SDK1: variants seen among roughly 807,000 people sequenced by gnomAD.
SDK1 encodes sidekick cell adhesion molecule 1, also known as protein sidekick-1.
A neutral mutation model predicts 245.5 loss-of-function variants in SDK1; 157 were observed. That is an observed-to-expected ratio of 0.64 (90% confidence interval 0.56 to 0.73). The LOEUF is 0.73. Among genes scored for constraint, SDK1 ranks in the 30% least tolerant of loss-of-function variants. The pLI is 0.00. For synonymous variants in SDK1, 1,647 were observed against 1,278.5 expected, an observed-to-expected ratio of 1.29 and a Z score of -6.15; for missense variants, 3,583 against 3,002.3, an observed-to-expected ratio of 1.19 and a Z score of -4.52.
chr7:4,119,723 T>G lies in SDK1; in HGVS notation c.3823+5449T>G, dbSNP rs972926464. Among the ~76,000 whole-genome samples the G allele has an allele frequency of 4.0e-5, 6 of 149,076 alleles. 1 individual carries two copies. The highest frequency in any genetic ancestry group is 1.3e-4 in the Admixed American group (2 of 15,010). On this transcript the variant is annotated intron_variant, in intron 25 of 44. Coordinates refer to ENST00000404826, the MANE Select transcript of SDK1 (RefSeq NM_152744.4). Reference sequence around the variant, plus strand: ...CAAAAATGATTCCTCTCTGGAGAGATATTGCCAAAGCCAAATTATCCAAAA... The same window carrying G: ...CAAAAATGATTCCTCTCTGGAGAGAGATTGCCAAAGCCAAATTATCCAAAA...
At chr7:3,988,741 TC>T (rs1436251308) in intron 14 of SDK1, among the ~76,000 whole-genome samples, 4 of 152,154 alleles carry the variant, frequency 2.6e-5, no homozygotes, top group African/African-American at 4.8e-5. Context: ...AAAGAAGCTC[TC>T]CAGCACGCCA....
chr7:4,234,488 C>T (rs1411697755), intron 41 of SDK1, among the ~76,000 whole-genome samples: 1 of 152,144 alleles, frequency 6.6e-6, no homozygotes, highest in Non-Finnish European at 1.5e-5. Context: ...CAAAGCCTAC[C>T]ACAGGGGAAG....
At chr7:3,603,672 G>A (rs935199080) in intron 1 of SDK1, among the ~76,000 whole-genome samples, 8 of 152,186 alleles carry the variant, frequency 5.3e-5, no homozygotes, top group East Asian at 1.9e-4. Context: ...AATACCCTTT[G>A]TTTCCTTCTC....
chr7:3,609,167 C>T (rs901878847), intron 1 of SDK1, among the ~76,000 whole-genome samples: 4 of 152,108 alleles, frequency 2.6e-5, no homozygotes, highest in Admixed American at 2.0e-4. Flanking sequence ...TTAAAGTTCA[C>T]AGGTTTACTC....
At chr7:3,422,561 G>A (rs1779561132) in intron 1 of SDK1, among the ~76,000 whole-genome samples, 1 of 152,146 alleles carries the variant, frequency 6.6e-6, no homozygotes, top group Non-Finnish European at 1.5e-5. Context: ...GGGAGGCTGA[G>A]GGAGGAGGAT....
intron 5 of SDK1, among the ~76,000 whole-genome samples, chr7:3,847,915 C>T (rs1235713058): frequency 1.3e-5 from 2 of 152,320 alleles, no homozygotes; most frequent in African/African-American, 2.4e-5. Flanking sequence ...CTGCACCCCT[C>T]CCAGAATTAG....
At chr7:3,626,918 G>C (rs1782140272) in intron 2 of SDK1, among the ~76,000 whole-genome samples, 1 of 145,824 alleles carries the variant, frequency 6.9e-6, no homozygotes, top group Non-Finnish European at 1.5e-5. Context: ...CTTGACCTCA[G>C]GTTCAACAAT....
Position 4,268,046 on chromosome 7 carries a change from T to A in SDK1, c.*2662T>A. 6 of 985,358 alleles carry A rather than the reference T, an allele frequency of 6.1e-6. No homozygotes were observed. The highest frequency in any genetic ancestry group is 7.2e-6 in the Non-Finnish European group (6 of 829,870). 61.0% of individuals were successfully genotyped at this position (985,358 alleles called of 1,614,324 possible). ...GGAAGATGGAGGTTGGATTTTAATCTCGGTTTTAAAAAGAGGACAAACAAA... is the reference window on the plus strand; with the variant it reads ...GGAAGATGGAGGTTGGATTTTAATCACGGTTTTAAAAAGAGGACAAACAAA... On this transcript the variant is annotated 3_prime_UTR_variant, in exon 45 of 45. Transcript: ENST00000404826.
At chr7:3,928,630 TG>T (rs142247801) in intron 5 of SDK1, among the ~76,000 whole-genome samples, 120 of 149,972 alleles carry the variant, frequency 8.0e-4, no homozygotes, top group African/African-American at 2.4e-3. Context: ...AGTTTTTTTT[TG>T]GGGGGGGTGG....
At chr7:4,005,403 T>A (rs950109876) in intron 14 of SDK1, among the ~76,000 whole-genome samples, 1 of 110,292 alleles carries the variant, frequency 9.1e-6, no homozygotes, top group African/African-American at 3.0e-5. Context: ...AGTGTGTGTG[T>A]GTGTGTGTGT....
chr7:3,723,658 T>TTGTGTGTG (rs139688945), intron 4 of SDK1, among the ~76,000 whole-genome samples: 8,941 of 134,120 alleles, frequency 0.067, 705 homozygotes, highest in African/African-American at 0.13. Flanking sequence ...TAAGTAAAAG[T>TTGTGTGTG]TGTGTGTGTG....
chr7:3,830,354 A>G (rs1296064143), intron 5 of SDK1, among the ~76,000 whole-genome samples: 2 of 152,198 alleles, frequency 1.3e-5, no homozygotes, highest in South Asian at 2.1e-4. Context: ...GCTCATTGTT[A>G]GTAATTCCTC....
At chr7:3,465,194 C>G (rs1293321268) in intron 1 of SDK1, among the ~76,000 whole-genome samples, 1 of 152,116 alleles carries the variant, frequency 6.6e-6, no homozygotes, top group Non-Finnish European at 1.5e-5. Context: ...CTAGAGTGTG[C>G]TTTTTGACTT....
chr7:3,922,542 C>G lies in SDK1; in HGVS notation c.848-28381C>G, dbSNP rs148561676. 1.9e-3 allele frequency among the ~76,000 whole-genome samples: 284 copies of G among 152,342 alleles called. 8 individuals are homozygous for G. In the East Asian group the frequency reaches 0.034, roughly 18 times the overall value. On this transcript the variant is annotated intron_variant, in intron 5 of 44. Coordinates refer to ENST00000404826, the MANE Select transcript of SDK1 (RefSeq NM_152744.4). ...AGTGACTGACATCTTTAGAATATTT[C>G]TGAAACAATGTAATCTCATTAACAT...
chr7:4,212,538 C>T (rs1784562150), intron 38 of SDK1, among the ~76,000 whole-genome samples: 1 of 152,158 alleles, frequency 6.6e-6, no homozygotes, highest in Admixed American at 6.5e-5. Context: ...TTAGTGTGGC[C>T]ACTTCGAGGG....
At chr7:3,819,306 T>C (rs1656381135) in intron 4 of SDK1, among the ~76,000 whole-genome samples, 1 of 151,990 alleles carries the variant, frequency 6.6e-6, no homozygotes, top group Admixed American at 6.5e-5. Context: ...AGCTTAAAGA[T>C]AAAAGTTATA....
chr7:3,727,552 G>A (rs1362402693), intron 4 of SDK1, among the ~76,000 whole-genome samples: 5 of 152,090 alleles, frequency 3.3e-5, no homozygotes, highest in African/African-American at 1.2e-4. Context: ...GTGCAGTGGC[G>A]CCATCTTGGC....
At chr7:4,065,716 T>G (rs796122841) in intron 19 of SDK1, among the ~76,000 whole-genome samples, 136 of 105,800 alleles carry the variant, frequency 1.3e-3, no homozygotes, top group African/African-American at 7.0e-3. Context: ...TTTTTTTTTT[T>G]TTTTTTTTTT....
intron 1 of SDK1, among the ~76,000 whole-genome samples, chr7:3,577,781 C>T (rs1255147316): frequency 6.6e-6 from 1 of 151,982 alleles, no homozygotes; most frequent in Non-Finnish European, 1.5e-5. Flanking sequence ...TTTGTATGGT[C>T]ATATTGTCCC....
Sources: gnomAD v4.1 joint callset for allele counts (sites outside exome capture counted in the v4.1 genomes callset) on GRCh38, gnomAD v4.1.1 for gene constraint, MANE v1.5 for transcripts, NCBI Gene and HGNC (gene_info 2026-07-23, HGNC 2026-07-21) for gene names.